ZSCAN1: variants seen among roughly 807,000 people sequenced by gnomAD.
The protein encoded by ZSCAN1 is zinc finger and SCAN domain containing 1.
Under a neutral mutation model 23.8 loss-of-function variants are expected in ZSCAN1, and 23 were observed. The observed-to-expected ratio is 0.97, with a 90% CI of 0.70 to 1.37. The LOEUF is 1.37. Ranked by LOEUF, ZSCAN1 falls within the 40% of genes most tolerant of loss-of-function variation. The pLI, the probability that ZSCAN1 is intolerant of heterozygous loss-of-function variation, is 0.00. For synonymous variants in ZSCAN1, 236 were observed against 232.3 expected, an observed-to-expected ratio of 1.02 and a Z score of -0.15; for missense variants, 575 against 554.0, an observed-to-expected ratio of 1.04 and a Z score of -0.38.
In ZSCAN1 at chr19:58,045,524, T is replaced by C. The variant is rs1468519390; in HGVS notation, c.465+4980T>C. On this transcript the variant is annotated intron_variant, in intron 4 of 5. Transcript: ENST00000282326. This position sits in a 1 kb window ranked among gnomAD's most constrained non-coding sequence, Gnocchi z 4.3. ...TGGGTTTTTCCAAATTATTTGAGGATGAGCTGACCCTTGACAACCTGACAC... is the reference window on the plus strand; with the variant it reads ...TGGGTTTTTCCAAATTATTTGAGGACGAGCTGACCCTTGACAACCTGACAC... 31 of 1,384,976 alleles carry C rather than the reference T, an allele frequency of 2.2e-5. No homozygotes were observed. In the South Asian group the frequency reaches 3.1e-4, roughly 14 times the overall value. The allele number at this position is 1,384,976 out of a possible 1,614,324, so 85.8% of individuals were successfully genotyped here.
intron 4 of ZSCAN1, among the ~76,000 whole-genome samples, chr19:58,042,127 G>T (rs2073793354): frequency 6.6e-6 from 1 of 151,488 alleles, no homozygotes; most frequent in Non-Finnish European, 1.5e-5. Flanking sequence ...AAAGTACATT[G>T]ATTTTTTTTA....
At chr19:58,037,627 G>A (rs1309398186) in intron 2 of ZSCAN1, 101 bp from the exon 3 acceptor site, 1 of 536,238 alleles carries the variant, frequency 1.9e-6, no homozygotes, top group Non-Finnish European at 3.1e-6. Context: ...GGTTCCTTGG[G>A]GTGCTGGAGG....
At chr19:58,034,222 C>T (rs1358163055) in intron 1 of ZSCAN1, 61 bp downstream of exon 1, 1 of 151,272 alleles carries the variant, frequency 6.6e-6, no homozygotes, top group Non-Finnish European at 1.5e-5. Context: ...GGACGCCCAC[C>T]CGGGAGGGTC....
At chr19:58,055,696 A>G (rs567227909), downstream of ZSCAN1, among the ~76,000 whole-genome samples, 1 of 152,286 alleles carries the variant, frequency 6.6e-6, no homozygotes, top group Non-Finnish European at 1.5e-5. Flanking sequence ...ACTTGTTGGG[A>G]GCCAGGGGCT....
chr19:58,046,069 G>T, intron 4 of ZSCAN1: 1 of 680,594 alleles, frequency 1.5e-6, no homozygotes, highest in East Asian at 2.5e-5. Flanking sequence ...TGTGGAAGGC[G>T]CTCCCCAAAG....
rs2073870376 is a variant in ZSCAN1, at chr19:58,053,274, T to TA, written c.605-152dup. 6.6e-6 allele frequency among the ~76,000 whole-genome samples: 1 copy of TA among 152,026 alleles called. No individual in the cohort carries two copies. The highest frequency in any genetic ancestry group is 1.5e-5 in the Non-Finnish European group (1 of 68,006). On this transcript the variant is annotated intron_variant, in intron 5 of 5. Transcript: ENST00000282326. This position sits in a 1 kb window ranked among gnomAD's most constrained non-coding sequence, Gnocchi z 5.8. ...ACCGGCCACATGTGCCCTTGTATCT[T>TA]AAAGGACAGAACGGAGGACACAGGG...
At position 58,054,576 on chromosome 19, in the gene ZSCAN1, G is replaced by A. The variant is rs2073880556; in HGVS notation, c.*525G>A. On this transcript the variant is annotated 3_prime_UTR_variant, in exon 6 of 6. Transcript: ENST00000282326. The surrounding 1 kb of genome is among the most constrained non-coding windows in gnomAD (Gnocchi z 4.2). ...TTGTTTTTTTCCTTTTTTGGGTAAA[G>A]TACATGCAACATAAAATTTACCATT... is the stretch of plus-strand genomic sequence containing the variant. 1 of 153,130 alleles carries A rather than the reference G, an allele frequency of 6.5e-6. No homozygotes were observed. The highest frequency in any genetic ancestry group is 2.1e-4 in the South Asian group (1 of 4,850). The allele number at this position is 153,130 out of a possible 1,614,324, so 9.5% of individuals were successfully genotyped here. A position where few individuals can be genotyped will look rare whatever the true frequency, so the allele number is the denominator to read the frequency against.
intron 2 of ZSCAN1, 22 bp from the exon 3 acceptor site, chr19:58,037,706 C>G: frequency 4.2e-6 from 5 of 1,195,832 alleles, no homozygotes; most frequent in Non-Finnish European, 5.6e-6. Flanking sequence ...TGTGACCCCT[C>G]TGTCCCTGCC....
intron 4 of ZSCAN1, chr19:58,046,131 G>C (rs1204537815): frequency 5.7e-6 from 4 of 706,760 alleles, no homozygotes; most frequent in Non-Finnish European, 1.0e-5. Flanking sequence ...TGCAGTCAGA[G>C]ACCATGAAGG....
At chr19:58,043,667 T>G (rs764489468) in intron 4 of ZSCAN1, among the ~76,000 whole-genome samples, 3 of 152,060 alleles carry the variant, frequency 2.0e-5, no homozygotes, top group Non-Finnish European at 4.4e-5. Flanking sequence ...TTTTTCTTTC[T>G]TAGACTGACT....
chr19:58,046,810 C>A (rs1467697476), intron 4 of ZSCAN1: 19 of 738,864 alleles, frequency 2.6e-5, no homozygotes, highest in Non-Finnish European at 4.8e-5. Flanking sequence ...TGCACTGCCA[C>A]CCTGGTGAGG....
intron 4 of ZSCAN1, among the ~76,000 whole-genome samples, chr19:58,051,639 T>C (rs1047726655): frequency 5.3e-5 from 8 of 152,164 alleles, no homozygotes; most frequent in Non-Finnish European, 8.8e-5. Flanking sequence ...CGTGCTTGAC[T>C]CCTGGTCTTT....
In ZSCAN1 at chr19:58,054,040, G is replaced by A. The variant is rs556873185; in HGVS notation, c.1216G>A (p.Gly406Ser). ...IDHQKLHTAH[G>S]HM is the part of the protein sequence containing the mutation. ...CCACCAGAAGCTCCACACGGCCCAC[G>A]GCCACATGTGAATGGCCAGCCTCGG... Residue 406 changes from glycine to serine, a missense_variant, in exon 6 of 6, where the codon GGC (glycine) becomes AGC (serine). Physicochemically the swap from Gly to Ser is moderately conservative, Grantham distance 56. Coordinates refer to ENST00000282326, the MANE Select transcript of ZSCAN1 (RefSeq NM_182572.4). This position sits in a 1 kb window ranked among gnomAD's most constrained non-coding sequence, Gnocchi z 4.2. 1.0e-4 allele frequency: 156 copies of A among 1,516,192 alleles called. 1 individual carries two copies. In the South Asian group the frequency reaches 1.4e-3, roughly 13 times the overall value. 93.9% of individuals were successfully genotyped at this position (1,516,192 alleles called of 1,614,324 possible). A position where few individuals can be genotyped will look rare whatever the true frequency, so the allele number is the denominator to read the frequency against.
downstream of ZSCAN1, among the ~76,000 whole-genome samples, chr19:58,056,475 G>A (rs985828773): frequency 3.9e-5 from 6 of 152,236 alleles, no homozygotes; most frequent in African/African-American, 1.2e-4. Flanking sequence ...TGGAGACACC[G>A]GGACACCATT....
rs1373740024 is a variant in ZSCAN1 at position 58,052,385 on chromosome 19, GA to G, written c.466-104del. On this transcript the variant is annotated intron_variant, in intron 4 of 5. Transcript: ENST00000282326. ...GGCGCGACACCGCGCACTGCCCTGGGACAGAGCCTTTGGGGATGACGCCCGT... is the reference window on the plus strand; with the variant it reads ...GGCGCGACACCGCGCACTGCCCTGGGCAGAGCCTTTGGGGATGACGCCCGT... 73 of 1,573,500 alleles carry G rather than the reference GA, an allele frequency of 4.6e-5. No homozygotes were observed. The East Asian group carries it at 1.5e-3, about 33-fold the overall frequency.
At chr19:58,044,367 G>A (rs2073809810) in intron 4 of ZSCAN1, among the ~76,000 whole-genome samples, 1 of 152,064 alleles carries the variant, frequency 6.6e-6, no homozygotes, top group Admixed American at 6.5e-5. Context: ...GGGGGCAGCA[G>A]AAATAAAAGC....
At chr19:58,050,191 T>C (rs550771684) in intron 4 of ZSCAN1, among the ~76,000 whole-genome samples, 1 of 152,078 alleles carries the variant, frequency 6.6e-6, no homozygotes, top group African/African-American at 2.4e-5. Context: ...TCCCAGCACT[T>C]TGGGAGGCCG....
downstream of ZSCAN1, among the ~76,000 whole-genome samples, chr19:58,054,985 G>A (rs1489427438): frequency 2.0e-5 from 3 of 152,106 alleles, no homozygotes; most frequent in African/African-American, 7.2e-5. The surrounding 1 kb of genome is among the most constrained non-coding windows in gnomAD (Gnocchi z 4.2). Context: ...GTGGGCAGGC[G>A]GTGACGTCAC....
chr19:58,045,489 G>A lies in ZSCAN1; in HGVS notation c.465+4945G>A. On this transcript the variant is annotated intron_variant, in intron 4 of 5. Coordinates refer to ENST00000282326, the MANE Select transcript of ZSCAN1 (RefSeq NM_182572.4). The surrounding 1 kb of genome is among the most constrained non-coding windows in gnomAD (Gnocchi z 4.3). ...GGAGACGGGGGAGAGGCCCAGCAAT[G>A]AGGAAATCATGGGTTTTTCCAAATT... 2 of 1,363,622 alleles carry A rather than the reference G, an allele frequency of 1.5e-6. No homozygotes were observed. The highest frequency in any genetic ancestry group is 2.1e-6 in the Non-Finnish European group (2 of 951,384). The allele number at this position is 1,363,622 out of a possible 1,614,324, so 84.5% of individuals were successfully genotyped here.
Sources: gnomAD v4.1 joint callset for allele counts (sites outside exome capture counted in the v4.1 genomes callset) on GRCh38, gnomAD v4.1.1 for gene constraint, Gnocchi (gnomAD v3.1) non-coding constraint, MANE v1.5 for transcripts, NCBI Gene and HGNC (gene_info 2026-07-23, HGNC 2026-07-21) for gene names.